Variants in TMTC4 observed in about 807,000 individuals in gnomAD.
The protein encoded by TMTC4 is protein O-mannosyl-transferase TMTC4.
TMTC4 carries 65 observed loss-of-function variants against 86.0 expected under a neutral mutation model. That is an observed-to-expected ratio of 0.76 (90% CI 0.62 to 0.93). The LOEUF (loss-of-function observed/expected upper bound fraction) is 0.93, where lower values mean the gene tolerates loss of function less well. TMTC4 is among the 40% of genes least tolerant of loss of function. The probability of loss-of-function intolerance (pLI) is 0.00; values close to 1 mark genes in which losing one functional copy is unlikely to be tolerated. For synonymous variants in TMTC4, 379 were observed against 382.5 expected (o/e 0.99, Z 0.11); for missense variants, 866 against 948.1 (o/e 0.91, Z 1.14).
intron 15 of TMTC4, 33 bp downstream of exon 15, chr13:100,625,502 T>C (rs1184800798): frequency 6.8e-6 from 11 of 1,610,788 alleles, no homozygotes; most frequent in Non-Finnish European, 8.5e-6. Context: ...AACCCATCTT[T>C]CCTTCCACAG....
At chr13:100,669,581 C>T (rs1215748826) in intron 2 of TMTC4, among the ~76,000 whole-genome samples, 1 of 152,128 alleles carries the variant, frequency 6.6e-6, no homozygotes, top group African/African-American at 2.4e-5. Flanking sequence ...TAATGTTTCT[C>T]GCCGGGGATG....
At position 100,670,407 on chromosome 13, in the gene TMTC4, G is replaced by A; in HGVS notation, c.-45C>T. 6.3e-7 allele frequency: 1 copy of A among 1,594,658 alleles called. No individual in the cohort carries two copies. Among genetic ancestry groups the A allele is most frequent in the Non-Finnish European group, 8.5e-7 (1 of 1,173,240 alleles). On this transcript the variant is annotated 5_prime_UTR_variant, in exon 2 of 19. Coordinates refer to ENST00000342624, the MANE Select transcript of TMTC4 (RefSeq NM_032813.5). ...CTTCCAGGGGCCAGAAGGAGGCTCA[G>A]ATTTACAATCCAGAGATGAAACAGG... is the stretch of plus-strand genomic sequence containing the variant.
chr13:100,670,258 A>G (rs1886920209), intron 2 of TMTC4, 102 bp downstream of exon 2: 5 of 1,384,932 alleles, frequency 3.6e-6, no homozygotes, highest in Non-Finnish European at 4.9e-6. Context: ...TATGGAATCA[A>G]TAAGAAGCCA....
chr13:100,612,697 CGTT>C (rs1278825984), intron 16 of TMTC4, among the ~76,000 whole-genome samples, 187 bp from the exon 17 acceptor site: 12 of 147,986 alleles, frequency 8.1e-5, no homozygotes, highest in African/African-American at 2.7e-4. Context: ...ACACACACGA[CGTT>C]ATCAGTGGCA....
upstream of TMTC4, chr13:100,674,858 CCCCCCGCGCCGCGCCTCCCGCAGCT>C (rs1174528639): frequency 1.3e-5 from 13 of 974,390 alleles, no homozygotes; most frequent in African/African-American, 7.0e-5. Flanking sequence ...GCACCCGACC[CCCCCCGCGCCGCGCCTCCCGCAGCT>C]CCCCACGCGC....
intron 17 of TMTC4, 48 bp from the exon 18 acceptor site, chr13:100,606,475 C>T (rs920659008): frequency 6.6e-7 from 1 of 1,507,200 alleles, no homozygotes; most frequent in Non-Finnish European, 9.1e-7. Flanking sequence ...GTACATGAAG[C>T]AAAAGCAGTT....
At chr13:100,664,620 T>C (rs1244270593) in intron 3 of TMTC4, among the ~76,000 whole-genome samples, 1 of 152,178 alleles carries the variant, frequency 6.6e-6, no homozygotes, top group Non-Finnish European at 1.5e-5. Context: ...GCTGTGCTTC[T>C]GCCAGCTCCC....
At chr13:100,639,989 T>C (rs1353467195) in intron 7 of TMTC4, among the ~76,000 whole-genome samples, 1 of 151,174 alleles carries the variant, frequency 6.6e-6, no homozygotes, top group African/African-American at 2.4e-5. Flanking sequence ...AATAAAGTAC[T>C]GCACAGAGGA....
rs1881961030 is a variant in TMTC4 at position 100,634,795 on chromosome 13, A to G, written c.1506+10T>C. 1 of 1,609,990 alleles carries G rather than the reference A, an allele frequency of 6.2e-7. No individual in the cohort carries two copies. On this transcript the variant is annotated intron_variant, in intron 12 of 18. Coordinates refer to ENST00000342624, the MANE Select transcript of TMTC4 (RefSeq NM_032813.5). ...AAGGTCCCTTTAAAAGAAATCTGGC[A>G]GCTAGGTACCTTAGCATTGAGGGGA...
chr13:100,638,729 T>TGTG (rs1409573497), intron 7 of TMTC4: 1 of 152,246 alleles, frequency 6.6e-6, no homozygotes, highest in Non-Finnish European at 1.5e-5. Context: ...CCCACTTGGT[T>TGTG]TCCCCTTCCA....
intron 6 of TMTC4, among the ~76,000 whole-genome samples, chr13:100,653,152 A>G (rs553083373): frequency 6.6e-6 from 1 of 152,360 alleles, no homozygotes; most frequent in South Asian, 2.1e-4. Flanking sequence ...TGAACTGATC[A>G]TTAACATGAT....
intron 6 of TMTC4, among the ~76,000 whole-genome samples, chr13:100,643,440 C>T (rs1172624882): frequency 6.6e-6 from 1 of 152,166 alleles, no homozygotes. Context: ...GCAACGTTAC[C>T]GACCTCAGGA....
At chr13:100,613,236 C>T (rs1020894047) in intron 16 of TMTC4, among the ~76,000 whole-genome samples, 2 of 152,170 alleles carry the variant, frequency 1.3e-5, no homozygotes, top group Admixed American at 6.5e-5. Context: ...TCTTTATCCC[C>T]GCCCCCTTCC....
chr13:100,674,055 C>T (rs1432823777), intron 1 of TMTC4: 1 of 985,202 alleles, frequency 1.0e-6, no homozygotes, highest in Non-Finnish European at 1.2e-6. Context: ...ATAGCCACAA[C>T]ATCAACAAGA....
chr13:100,626,675 G>A (rs1041743980), intron 12 of TMTC4, among the ~76,000 whole-genome samples: 2 of 152,138 alleles, frequency 1.3e-5, no homozygotes, highest in African/African-American at 4.8e-5. Flanking sequence ...CACTCCACTA[G>A]AGTTGAGATA....
At chr13:100,647,780 A>G (rs1473316050) in intron 6 of TMTC4, among the ~76,000 whole-genome samples, 6 of 152,242 alleles carry the variant, frequency 3.9e-5, no homozygotes, top group East Asian at 1.9e-4. Flanking sequence ...ATTCCTCTAG[A>G]TAAGAATTCT....
intron 1 of TMTC4, chr13:100,674,173 C>A: frequency 1.0e-6 from 1 of 973,296 alleles, no homozygotes; most frequent in East Asian, 1.1e-4. Flanking sequence ...TGGCCCCGGG[C>A]GCCCGGGCCG....
chr13:100,613,305 C>G (rs1482758121), intron 16 of TMTC4, among the ~76,000 whole-genome samples: 1 of 152,124 alleles, frequency 6.6e-6, no homozygotes. Flanking sequence ...TTTCCAGATC[C>G]CCCATGAGTG....
At chr13:100,656,533 G>T in intron 5 of TMTC4, 65 bp from the exon 6 acceptor site, 1 of 699,536 alleles carries the variant, frequency 1.4e-6, no homozygotes, top group South Asian at 2.1e-5. Context: ...CTAAACTTAG[G>T]AGACATAACT....
Sources: allele counts gnomAD v4.1 joint callset (sites outside exome capture counted in the v4.1 genomes callset), GRCh38; gene constraint gnomAD v4.1.1; transcripts MANE v1.5; gene names NCBI Gene and HGNC (gene_info 2026-07-23, HGNC 2026-07-21).